MATR3: variants seen among roughly 807,000 people sequenced by gnomAD.
MATR3 encodes matrin-3.
In MATR3, 4 loss-of-function variants were observed where a neutral mutation model predicts 85.5. The ratio of observed to expected loss-of-function variants is 0.05; its 90% CI spans 0.02 to 0.11. The LOEUF is 0.11. Among genes scored for constraint, MATR3 ranks in the 10% least tolerant of loss-of-function variants. The pLI, the probability that MATR3 is intolerant of heterozygous loss-of-function variation, is 1.00. For missense variants in MATR3, 685 were observed against 1,016.1 expected, an observed-to-expected ratio of 0.67 and a Z score of 4.43; for synonymous variants, 336 against 343.1, an observed-to-expected ratio of 0.98 and a Z score of 0.23.
At position 139,331,365 on chromosome 5, in the gene MATR3, G is replaced by A. The variant is rs748837762; in HGVS notation, c.*1970G>A. 4.4e-6 allele frequency: 2 copies of A among 453,942 alleles called. No individual in the cohort carries two copies. The highest frequency in any genetic ancestry group is 4.0e-5 in the African/African-American group (2 of 49,982). The allele number at this position is 453,942 out of a possible 1,614,324, so 28.1% of individuals were successfully genotyped here. A position where few individuals can be genotyped will look rare whatever the true frequency, so the allele number is the denominator to read the frequency against. ...TACATAAAGCATTATGTGCACAATGGAGTTCTTCAGTGTTTCCTTTCAGTG... is the reference window on the plus strand; with the variant it reads ...TACATAAAGCATTATGTGCACAATGAAGTTCTTCAGTGTTTCCTTTCAGTG... On this transcript the variant is annotated 3_prime_UTR_variant, in exon 15 of 15. Transcript: ENST00000394805.
chr5:139,328,332 TCTTA>T (rs1755963726), intron 14 of MATR3, among the ~76,000 whole-genome samples: 1 of 152,222 alleles, frequency 6.6e-6, no homozygotes, highest in Non-Finnish European at 1.5e-5. Flanking sequence ...GGCTTTTAAT[TCTTA>T]CTATTTTGCA....
chr5:139,293,653 G>C (rs973829504), upstream of MATR3: 2 of 237,744 alleles, frequency 8.4e-6, no homozygotes, highest in African/African-American at 4.5e-5. Context: ...AGGGGGTGGG[G>C]GCGAGCTCTC....
At chr5:139,298,595 C>T (rs751144339) in intron 1 of MATR3, among the ~76,000 whole-genome samples, 1 of 152,112 alleles carries the variant, frequency 6.6e-6, no homozygotes, top group Non-Finnish European at 1.5e-5. Flanking sequence ...AATATTTGAA[C>T]TCCAAATATT....
At chr5:139,277,051 T>G (rs1181640374) in intron 2 of MATR3, among the ~76,000 whole-genome samples, 3 of 152,170 alleles carry the variant, frequency 2.0e-5, no homozygotes, top group African/African-American at 7.2e-5. Context: ...GTGGTAGATA[T>G]TGAGTTCCCT....
intron 1 of MATR3, chr5:139,275,961 CAA>C (rs1434989012): frequency 2.7e-5 from 12 of 448,464 alleles, no homozygotes; most frequent in African/African-American, 1.2e-4. Context: ...GTATAAGTAA[CAA>C]GAGATGAAAA....
intron 2 of MATR3, chr5:139,278,499 A>G: frequency 2.5e-6 from 1 of 395,762 alleles, no homozygotes; most frequent in South Asian, 1.8e-5. Flanking sequence ...AATGGGAGGT[A>G]AATTAACCTG....
chr5:139,282,373 C>G (rs763049688), intron 3 of MATR3, among the ~76,000 whole-genome samples: 3 of 152,284 alleles, frequency 2.0e-5, no homozygotes, highest in African/African-American at 7.2e-5. Flanking sequence ...GTTTAGTAGC[C>G]TAAGGCTTGT....
intron 1 of MATR3, among the ~76,000 whole-genome samples, chr5:139,297,448 TTAAAAG>T (rs777562136): frequency 6.6e-6 from 1 of 152,180 alleles, no homozygotes; most frequent in Non-Finnish European, 1.5e-5. Context: ...TAATGGATAA[TTAAAAG>T]TAAAACAGAA....
rs764139043 is a variant in MATR3 at position 139,331,063 on chromosome 5, C to G, written c.*1668C>G. ...GCTTCAGCCTCCCAAAGTGCTGGGA[C>G]TGTAGGCATGAGCCACCATCCCTGG... On this transcript the variant is annotated 3_prime_UTR_variant, in exon 15 of 15. Transcript: ENST00000394805. 1.3e-5 allele frequency: 6 copies of G among 453,836 alleles called. No individual in the cohort carries two copies. Among genetic ancestry groups the G allele is most frequent in the South Asian group, 7.8e-5 (5 of 64,414 alleles). 28.1% of individuals were successfully genotyped at this position (453,836 alleles called of 1,614,324 possible).
In MATR3 at chr5:139,319,860, CTTTTTTTTTTTTT is replaced by C. The variant is rs58123057; in HGVS notation, c.1602+375_1602+387del. Among the ~76,000 whole-genome samples the C allele has an allele frequency of 2.3e-3, 100 of 44,170 alleles. 1 individual carries two copies. Among genetic ancestry groups the C allele is most frequent in the South Asian group, 9.7e-3 (7 of 720 alleles). The allele number at this position is 44,170 out of a possible 152,430, so 29.0% of individuals were successfully genotyped here. On this transcript the variant is annotated intron_variant, in intron 9 of 14. Coordinates refer to ENST00000394805, the MANE Select transcript of MATR3 (RefSeq NM_018834.6). ...CTCCCAACTCAAAAAAAAAAATTTGCTTTTTTTTTTTTTTTTTTTTTTTTTTTTAAAGTATATC... is the reference window on the plus strand; with the variant it reads ...CTCCCAACTCAAAAAAAAAAATTTGCTTTTTTTTTTTTTTTAAAGTATATC...
rs770853289 is a variant in MATR3 at position 139,329,465 on chromosome 5, A to G, written c.*70A>G. 3.3e-6 allele frequency: 4 copies of G among 1,211,804 alleles called. No individual in the cohort carries two copies. In the East Asian group the frequency reaches 7.1e-5, roughly 21 times the overall value. 75.1% of individuals were successfully genotyped at this position (1,211,804 alleles called of 1,614,324 possible). ...TTGTTTTTAATGTTAACCTTTTTTA[A>G]ATACAATACTGATAGTTAGAAGAAA... On this transcript the variant is annotated 3_prime_UTR_variant, in exon 15 of 15. Coordinates refer to ENST00000394805, the MANE Select transcript of MATR3 (RefSeq NM_018834.6).
chr5:139,320,439 C>CA (rs1223405569), intron 9 of MATR3, among the ~76,000 whole-genome samples: 4 of 151,576 alleles, frequency 2.6e-5, no homozygotes, highest in Admixed American at 1.3e-4. Flanking sequence ...CACATCTGTA[C>CA]AAAAAAAAAT....
upstream of MATR3, among the ~76,000 whole-genome samples, chr5:139,292,634 G>C (rs564746656): frequency 3.9e-5 from 6 of 152,134 alleles, no homozygotes; most frequent in African/African-American, 2.4e-5. Context: ...AAAGGCTCGC[G>C]GTCCTCCGCC....
chr5:139,280,419 T>G (rs915893221), intron 3 of MATR3: 11 of 152,248 alleles, frequency 7.2e-5, no homozygotes, highest in Admixed American at 5.2e-4. Flanking sequence ...CTGAAAAGTT[T>G]AATGTTATCA....
rs1461560364 is a variant in MATR3, at chr5:139,307,413, A to G, written c.-3A>G. The G allele has an allele frequency of 6.2e-6, 10 of 1,613,374 alleles. No homozygotes were observed. The highest frequency in any genetic ancestry group is 4.0e-5 in the African/African-American group (3 of 74,916). The stretch of plus-strand genomic sequence containing the variant: ...TATAAAATAGACAAGAGCTAGTTCT[A>G]CAATGTCCAAGTCATTCCAGCAGTC... On this transcript the variant is annotated 5_prime_UTR_variant, in exon 2 of 15. Coordinates refer to ENST00000394805, the MANE Select transcript of MATR3 (RefSeq NM_018834.6). The surrounding 1 kb of genome is among the most constrained non-coding windows in gnomAD (Gnocchi z 4.4).
rs779120029 is a variant in MATR3 at position 139,316,027 on chromosome 5, CA to C, written c.1017-47del. Reference sequence around the variant, plus strand: ...TTTAACATTTAATCTTAATTCTTTCCAATGGACCTCTTTATTATGATTTATA... The same window carrying C: ...TTTAACATTTAATCTTAATTCTTTCCATGGACCTCTTTATTATGATTTATA... On this transcript the variant is annotated intron_variant, in intron 4 of 14. Coordinates refer to ENST00000394805, the MANE Select transcript of MATR3 (RefSeq NM_018834.6). 1.9e-5 allele frequency: 25 copies of C among 1,334,004 alleles called. No homozygotes were observed. In the East Asian group the frequency reaches 5.0e-4, roughly 27 times the overall value. The allele number at this position is 1,334,004 out of a possible 1,614,324, so 82.6% of individuals were successfully genotyped here.
At chr5:139,322,350 T>TA in intron 10 of MATR3, 113 bp from the exon 11 acceptor site, 1 of 997,572 alleles carries the variant, frequency 1.0e-6, no homozygotes. Flanking sequence ...CAAATAAGGT[T>TA]ACGGGAATTG....
At chr5:139,309,337 G>A (rs1414752478) in intron 2 of MATR3, among the ~76,000 whole-genome samples, 1 of 152,116 alleles carries the variant, frequency 6.6e-6, no homozygotes, top group Non-Finnish European at 1.5e-5. Context: ...ACTGGAACAA[G>A]TTGCTGCCAT....
intron 2 of MATR3, among the ~76,000 whole-genome samples, chr5:139,277,797 A>C (rs1403147440): frequency 2.2e-5 from 3 of 135,950 alleles, no homozygotes; most frequent in Non-Finnish European, 3.1e-5. Context: ...CAGTAATTGT[A>C]TATGTTATAT....
Sources: gnomAD v4.1 joint callset for allele counts (sites outside exome capture counted in the v4.1 genomes callset) on GRCh38, gnomAD v4.1.1 for gene constraint, Gnocchi (gnomAD v3.1) non-coding constraint, MANE v1.5 for transcripts, NCBI Gene and HGNC (gene_info 2026-07-23, HGNC 2026-07-21) for gene names.